KLHL4: variants seen among roughly 807,000 people sequenced by gnomAD.
The protein encoded by KLHL4 is kelch like family member 4.
Under a neutral mutation model 45.8 loss-of-function variants are expected in KLHL4, and 17 were observed. The observed-to-expected ratio is 0.37, with a 90% CI of 0.25 to 0.56. The LOEUF is 0.56. KLHL4 is among the 20% of genes least tolerant of loss of function. The pLI, the probability that KLHL4 is intolerant of heterozygous loss-of-function variation, is 0.79. For synonymous variants in KLHL4, 224 were observed against 189.9 expected, an observed-to-expected ratio of 1.18 and a Z score of -1.47; for missense variants, 544 against 544.9, an observed-to-expected ratio of 1.00 and a Z score of 0.02.
chrX:87,618,983 A>G (rs931680178), intron 4 of KLHL4, among the ~76,000 whole-genome samples: 1 of 111,975 alleles, frequency 8.9e-6, no homozygotes, highest in Non-Finnish European at 1.9e-5. Flanking sequence ...GATAAGATAG[A>G]GCATATTAAA....
chrX:87,661,758 AAG>A (rs1352199778), intron 9 of KLHL4, among the ~76,000 whole-genome samples: 2 of 111,989 alleles, frequency 1.8e-5, no homozygotes, highest in East Asian at 5.6e-4. Flanking sequence ...TTTTTTTAAA[AAG>A]AGAAAAACGA....
At chrX:87,551,457 T>C (rs1286325240) in intron 1 of KLHL4, among the ~76,000 whole-genome samples, 5 of 111,011 alleles carry the variant, frequency 4.5e-5, no homozygotes, top group Non-Finnish European at 7.6e-5. Flanking sequence ...ACAATCCCCA[T>C]GAAAATACTA....
At chrX:87,624,694 G>T (rs776879794) in intron 5 of KLHL4, among the ~76,000 whole-genome samples, 1 of 111,918 alleles carries the variant, frequency 8.9e-6, no homozygotes, top group Admixed American at 9.5e-5. Context: ...ACAACATTCT[G>T]AAATATACTC....
chrX:87,669,243 G>C lies in KLHL4; in HGVS notation c.*2709G>C. On this transcript the variant is annotated 3_prime_UTR_variant, in exon 11 of 11. Transcript: ENST00000373119. ...ATTTTTTTCTATAATCACTATGACC[G>C]TGTTCACGATTCCCTACTCTGCAAC... 2 of 1,162,254 alleles carry C rather than the reference G, an allele frequency of 1.7e-6. No homozygotes were observed. Among genetic ancestry groups the C allele is most frequent in the Non-Finnish European group, 2.3e-6 (2 of 868,554 alleles).
At chrX:87,542,674 GCCCCATTGTA>G in intron 1 of KLHL4, among the ~76,000 whole-genome samples, 1 of 112,152 alleles carries the variant, frequency 8.9e-6, no homozygotes, top group African/African-American at 3.2e-5. Context: ...AATTACTGCA[GCCCCATTGTA>G]TCTTGGAAGT....
chrX:87,563,437 C>T (rs1380147921), intron 1 of KLHL4, among the ~76,000 whole-genome samples: 1 of 107,853 alleles, frequency 9.3e-6, no homozygotes, highest in Admixed American at 1.0e-4. Flanking sequence ...ATAAATTTAA[C>T]AAAGAAAGTG....
chrX:87,616,747 A>T lies in KLHL4; in HGVS notation c.728-1185A>T, dbSNP rs980587011. Reference sequence around the variant, plus strand: ...AAATGTCTATAGCAGATGAATATTTATATCTGAATTGGAGAATAGATCATA... The same window carrying T: ...AAATGTCTATAGCAGATGAATATTTTTATCTGAATTGGAGAATAGATCATA... On this transcript the variant is annotated intron_variant, in intron 3 of 10. Coordinates refer to ENST00000373119, the MANE Select transcript of KLHL4 (RefSeq NM_019117.5). Among the ~76,000 whole-genome samples the T allele has an allele frequency of 4.2e-4, 47 of 112,015 alleles. 1 individual carries two copies. Among genetic ancestry groups the T allele is most frequent in the Middle Eastern group, 4.6e-3 (1 of 216 alleles).
intron 1 of KLHL4, among the ~76,000 whole-genome samples, chrX:87,548,330 C>T (rs1050939633): frequency 8.9e-6 from 1 of 111,738 alleles, no homozygotes; most frequent in African/African-American, 3.3e-5. Flanking sequence ...TTTCCCTCAA[C>T]ACCAGACATG....
rs961976127 is a variant in KLHL4 at position 87,629,986 on chromosome X, G to A, written c.1325-2224G>A. ...AGTCAAATCCATGTTATCAGTGAAGGAGGCAATAATGAAAGAGAAAGAGTA... is the reference window on the plus strand; with the variant it reads ...AGTCAAATCCATGTTATCAGTGAAGAAGGCAATAATGAAAGAGAAAGAGTA... On this transcript the variant is annotated intron_variant, in intron 6 of 10. Transcript: ENST00000373119. Among the ~76,000 whole-genome samples the A allele has an allele frequency of 1.1e-3, 123 of 111,660 alleles. 1 individual carries two copies. The highest frequency in any genetic ancestry group is 3.9e-3 in the African/African-American group (119 of 30,787).
At chrX:87,623,854 G>T (rs913003225) in intron 5 of KLHL4, among the ~76,000 whole-genome samples, 1 of 111,454 alleles carries the variant, frequency 9.0e-6, no homozygotes, top group Non-Finnish European at 1.9e-5. Flanking sequence ...TTTGGGTGAA[G>T]GTATACACTT....
chrX:87,583,648 T>A (rs919068643), intron 1 of KLHL4, among the ~76,000 whole-genome samples: 4 of 111,356 alleles, frequency 3.6e-5, no homozygotes, highest in East Asian at 2.9e-4. Flanking sequence ...TGAAGAGCCT[T>A]TGGTCCCTAA....
chrX:87,571,679 A>C (rs2147790160), intron 1 of KLHL4, among the ~76,000 whole-genome samples: 1 of 111,323 alleles, frequency 9.0e-6, no homozygotes, highest in Admixed American at 9.5e-5. Context: ...ATAACACATA[A>C]AATTTATTCA....
At chrX:87,614,655 A>G (rs1602445095) in intron 3 of KLHL4, 85 bp downstream of exon 3, 1 of 815,280 alleles carries the variant, frequency 1.2e-6, no homozygotes, top group Non-Finnish European at 1.7e-6. Flanking sequence ...TATTATTGCT[A>G]CTAATACTAC....
intron 3 of KLHL4, among the ~76,000 whole-genome samples, chrX:87,614,811 A>G (rs563566061): frequency 2.7e-5 from 3 of 110,993 alleles, no homozygotes; most frequent in African/African-American, 9.8e-5. Context: ...AGAGGTATAT[A>G]ATATGTAGAA....
chrX:87,632,112 G>A, intron 6 of KLHL4, 98 bp from the exon 7 acceptor site: 1 of 490,110 alleles, frequency 2.0e-6, no homozygotes, highest in South Asian at 3.8e-5. Flanking sequence ...CACTGATACT[G>A]TGCTGTAAGT....
intron 1 of KLHL4, among the ~76,000 whole-genome samples, chrX:87,553,730 C>A (rs1297778340): frequency 1.8e-5 from 2 of 111,304 alleles, no homozygotes; most frequent in Non-Finnish European, 3.8e-5. Flanking sequence ...ATAATTGTAA[C>A]TTCATTGAAA....
chrX:87,540,257 C>CT (rs1374451699), intron 1 of KLHL4, among the ~76,000 whole-genome samples: 1 of 110,939 alleles, frequency 9.0e-6, no homozygotes, highest in Non-Finnish European at 1.9e-5. Context: ...CTAGGCTACA[C>CT]TAAGTTAATT....
intron 1 of KLHL4, among the ~76,000 whole-genome samples, chrX:87,573,004 T>G (rs961987440): frequency 1.9e-4 from 21 of 111,902 alleles, no homozygotes; most frequent in African/African-American, 6.1e-4. Context: ...ATGTTTTTCT[T>G]AATCCTCTTC....
intron 8 of KLHL4, 117 bp downstream of exon 8, chrX:87,634,028 A>G (rs1328529921): frequency 1.8e-5 from 10 of 548,445 alleles, no homozygotes; most frequent in Admixed American, 4.3e-5. Context: ...CTTGTTATCA[A>G]TAATAAAAGG....
Sources: allele counts gnomAD v4.1 joint callset (sites outside exome capture counted in the v4.1 genomes callset), GRCh38; gene constraint gnomAD v4.1.1; transcripts MANE v1.5; gene names NCBI Gene and HGNC (gene_info 2026-07-23, HGNC 2026-07-21).